Variants in EPB41L5 observed in about 807,000 individuals in gnomAD.
EPB41L5 encodes the protein band 4.1-like protein 5.
In EPB41L5, 55 loss-of-function variants were observed where a neutral mutation model predicts 106.6. The ratio of observed to expected loss-of-function variants is 0.52; its 90% CI spans 0.42 to 0.65. The LOEUF is 0.65. Among genes scored for constraint, EPB41L5 ranks in the 30% least tolerant of loss-of-function variants. The pLI is 0.00. For missense variants in EPB41L5, 871 were observed against 882.1 expected (o/e 0.99, Z 0.16); for synonymous variants, 297 against 306.7 (o/e 0.97, Z 0.33).
intron 17 of EPB41L5, among the ~76,000 whole-genome samples, chr2:120,128,907 T>C (rs1330102725): frequency 6.6e-6 from 1 of 152,196 alleles, no homozygotes; most frequent in African/African-American, 2.4e-5. Context: ...TTTCGAATAG[T>C]CCAGTTTTGA....
intron 16 of EPB41L5, among the ~76,000 whole-genome samples, chr2:120,120,470 GAAAA>G (rs937915212): frequency 6.8e-5 from 9 of 132,494 alleles, no homozygotes; most frequent in African/African-American, 2.5e-4. Context: ...CAAGAAAAAA[GAAAA>G]AAAAGCTGTG....
chr2:120,082,457 C>G (rs1645767202), intron 10 of EPB41L5, among the ~76,000 whole-genome samples: 1 of 151,994 alleles, frequency 6.6e-6, no homozygotes, highest in Admixed American at 6.6e-5. Context: ...GGGATGAAGC[C>G]CACTTGATCT....
intron 3 of EPB41L5, among the ~76,000 whole-genome samples, chr2:120,069,586 A>G (rs1681715982): frequency 1.3e-5 from 2 of 152,186 alleles, no homozygotes; most frequent in South Asian, 2.1e-4. Flanking sequence ...TCCTCAGCAA[A>G]TGTGAAAGAA....
intron 3 of EPB41L5, among the ~76,000 whole-genome samples, chr2:120,071,325 A>G (rs1681849481): frequency 3.9e-5 from 6 of 152,218 alleles, no homozygotes; most frequent in Admixed American, 3.9e-4. Flanking sequence ...TCAAGGAAGT[A>G]AGAGAGGACA....
At chr2:120,138,041 A>G (rs933775628) in intron 18 of EPB41L5, among the ~76,000 whole-genome samples, 1 of 152,066 alleles carries the variant, frequency 6.6e-6, no homozygotes, top group Non-Finnish European at 1.5e-5. Flanking sequence ...TGTAATAAGG[A>G]TGGGTTAGCA....
intron 19 of EPB41L5, among the ~76,000 whole-genome samples, chr2:120,145,588 A>G (rs894737773): frequency 6.6e-6 from 1 of 152,148 alleles, no homozygotes; most frequent in African/African-American, 2.4e-5. Flanking sequence ...ATGTTACATG[A>G]TGTTGGCTAA....
chr2:120,125,693 C>T (rs1685429500), intron 16 of EPB41L5, among the ~76,000 whole-genome samples: 1 of 152,076 alleles, frequency 6.6e-6, no homozygotes, highest in African/African-American at 2.4e-5. Flanking sequence ...TCACGGAATG[C>T]CTTTTGGGAT....
chr2:120,161,130 C>T lies in EPB41L5; in HGVS notation c.1887+156C>T, dbSNP rs369258657. On this transcript the variant is annotated intron_variant, in intron 21 of 24. Transcript: ENST00000263713. Reference sequence around the variant, plus strand: ...CAGGGGCTCACACCTATAATTCCAGCACTTTGGGAGGCCGAGGCATGTGGA... The same window carrying T: ...CAGGGGCTCACACCTATAATTCCAGTACTTTGGGAGGCCGAGGCATGTGGA... 4.3e-4 allele frequency among the ~76,000 whole-genome samples: 65 copies of T among 152,222 alleles called. No homozygotes were observed. In the South Asian group the frequency reaches 0.012, roughly 29 times the overall value.
Position 120,151,172 on chromosome 2 carries a change from T to A in EPB41L5, c.1793+4883T>A, listed in dbSNP as rs1004612776. 2.7e-4 allele frequency among the ~76,000 whole-genome samples: 41 copies of A among 151,846 alleles called. 1 individual carries two copies. Among genetic ancestry groups the A allele is most frequent in the African/African-American group, 8.0e-4 (33 of 41,340 alleles). ...CTCAAAATACAAAAAATTAGCCGGG[T>A]GCCTGTAGTCCCAGCTACTCGGGAG... On this transcript the variant is annotated intron_variant, in intron 20 of 24. Transcript: ENST00000263713.
At chr2:120,111,618 A>G (rs1310914156) in intron 16 of EPB41L5, among the ~76,000 whole-genome samples, 1 of 152,092 alleles carries the variant, frequency 6.6e-6, no homozygotes, top group Non-Finnish European at 1.5e-5. Context: ...TGTCTTCAAA[A>G]TGTATCCAGG....
intron 14 of EPB41L5, among the ~76,000 whole-genome samples, chr2:120,097,097 T>C (rs1683804923): frequency 6.6e-6 from 1 of 152,252 alleles, no homozygotes; most frequent in Non-Finnish European, 1.5e-5. Context: ...TTTGGAATTA[T>C]GATTAATTTA....
chr2:120,016,621 CT>C lies in EPB41L5; in HGVS notation c.-8-2452del, dbSNP rs35039004. 4.6e-5 allele frequency among the ~76,000 whole-genome samples: 7 copies of C among 151,908 alleles called. No individual in the cohort carries two copies. The East Asian group carries it at 9.7e-4, about 21-fold the overall frequency. On this transcript the variant is annotated intron_variant, in intron 1 of 24. Coordinates refer to ENST00000263713, the MANE Select transcript of EPB41L5 (RefSeq NM_020909.4). ...TAAAGGTGTTCGTTTTTATGAACAT[CT>C]TTTAAATTATCTTTTAGGACTTTTT...
In EPB41L5 at chr2:120,044,595, TTAAG is replaced by T. The variant is rs376954006; in HGVS notation, c.285+2489_285+2492del. On this transcript the variant is annotated intron_variant, in intron 3 of 24. Coordinates refer to ENST00000263713, the MANE Select transcript of EPB41L5 (RefSeq NM_020909.4). ...AAGTTAGGTTTGAGTTACTTAGTAT[TTAAG>T]TAACTGTGGAAAGAAACATGCAGTC... Among the ~76,000 whole-genome samples the T allele has an allele frequency of 4.9e-3, 741 of 152,322 alleles. 4 individuals are homozygous for T. Among genetic ancestry groups the T allele is most frequent in the African/African-American group, 0.017 (713 of 41,566 alleles).
chr2:120,066,416 T>C (rs553422486), intron 3 of EPB41L5, among the ~76,000 whole-genome samples: 10 of 152,246 alleles, frequency 6.6e-5, no homozygotes, highest in Non-Finnish European at 1.5e-4. Flanking sequence ...CCTTTTAAAA[T>C]TTAACAATGT....
chr2:120,076,916 G>C, intron 7 of EPB41L5, 55 bp from the exon 8 acceptor site: 1 of 1,473,414 alleles, frequency 6.8e-7, no homozygotes, highest in Non-Finnish European at 9.1e-7. Flanking sequence ...TAATGAAATG[G>C]TTTTTGAAGG....
At chr2:120,127,537 G>A (rs1685512352) in intron 16 of EPB41L5, 151 bp from the exon 17 acceptor site, 1 of 591,656 alleles carries the variant, frequency 1.7e-6, no homozygotes, top group African/African-American at 1.8e-5. Context: ...ATTTTTAAAT[G>A]TTTTTTTAAT....
At chr2:120,174,504 C>A (rs889923243) in intron 24 of EPB41L5, among the ~76,000 whole-genome samples, 1 of 152,038 alleles carries the variant, frequency 6.6e-6, no homozygotes, top group African/African-American at 2.4e-5. Context: ...AGAGAACAGC[C>A]TGAGTGTGTT....
At chr2:120,069,863 A>G (rs1558844739) in intron 3 of EPB41L5, among the ~76,000 whole-genome samples, 1 of 152,232 alleles carries the variant, frequency 6.6e-6, no homozygotes, top group East Asian at 1.9e-4. Flanking sequence ...AGGAGAAAGC[A>G]GGAAAGATCT....
chr2:120,071,900 A>G (rs1261384409), intron 3 of EPB41L5, among the ~76,000 whole-genome samples: 6 of 152,232 alleles, frequency 3.9e-5, no homozygotes, highest in Non-Finnish European at 8.8e-5. Context: ...CACCAAAAGC[A>G]GTGGCCACAA....
Sources: gnomAD v4.1 joint callset for allele counts (sites outside exome capture counted in the v4.1 genomes callset) on GRCh38, gnomAD v4.1.1 for gene constraint, MANE v1.5 for transcripts, NCBI Gene and HGNC (gene_info 2026-07-23, HGNC 2026-07-21) for gene names.